Variants in DGKK observed in about 807,000 individuals in gnomAD.
The protein encoded by DGKK is 142 kDa diacylglycerol kinase.
In DGKK, 35 loss-of-function variants were observed where a neutral mutation model predicts 92.2. The ratio of observed to expected loss-of-function variants is 0.38; its 90% confidence interval spans 0.29 to 0.50. DGKK has a LOEUF of 0.50. DGKK is among the 20% of genes least tolerant of loss of function. The pLI is 0.92. For synonymous variants in DGKK, 368 were observed against 360.6 expected, an observed-to-expected ratio of 1.02 and a Z score of -0.23; for missense variants, 910 against 992.2, an observed-to-expected ratio of 0.92 and a Z score of 1.11.
chrX:50,369,432 C>CT (rs1288678634), intron 27 of DGKK, among the ~76,000 whole-genome samples: 8 of 109,978 alleles, frequency 7.3e-5, no homozygotes, highest in Admixed American at 4.8e-4. Context: ...TTCTTTTTTT[C>CT]TTTTTTTTCT....
chrX:50,455,931 C>A (rs1557232839), intron 1 of DGKK, among the ~76,000 whole-genome samples: 2 of 111,870 alleles, frequency 1.8e-5, no homozygotes, highest in Non-Finnish European at 3.8e-5. Context: ...TAACTGCCAT[C>A]TGCTAGAAAA....
intron 20 of DGKK, among the ~76,000 whole-genome samples, chrX:50,379,055 A>C (rs1602267987): frequency 8.9e-6 from 1 of 112,019 alleles, no homozygotes; most frequent in Non-Finnish European, 1.9e-5. Context: ...AGTGGCTCAC[A>C]CCTGTAATCC....
intron 1 of DGKK, among the ~76,000 whole-genome samples, chrX:50,425,367 T>A (rs1255789969): frequency 3.6e-5 from 4 of 110,399 alleles, no homozygotes; most frequent in Non-Finnish European, 7.6e-5. Context: ...TTAAAAAAAA[T>A]TAGAACATCT....
At chrX:50,419,777 T>G (rs1925526453) in intron 4 of DGKK, among the ~76,000 whole-genome samples, 1 of 112,115 alleles carries the variant, frequency 8.9e-6, no homozygotes, top group South Asian at 3.7e-4. Context: ...GAAGTTTGAT[T>G]GCACCAGTTA....
In DGKK at chrX:50,416,206, C is replaced by G. The variant is rs139039500; in HGVS notation, c.942+4197G>C. Reference sequence around the variant, plus strand: ...TGGACTCTACAGCCTCCAGAAGTGTCAGAAAAACATGTTTGTTGCTTAAGC... The same window carrying G: ...TGGACTCTACAGCCTCCAGAAGTGTGAGAAAAACATGTTTGTTGCTTAAGC... On this transcript the variant is annotated intron_variant, in intron 4 of 27. Coordinates refer to ENST00000611977, the MANE Select transcript of DGKK (RefSeq NM_001013742.4). 8.6e-3 allele frequency among the ~76,000 whole-genome samples: 965 copies of G among 111,937 alleles called. 7 individuals carry two copies. Among genetic ancestry groups the G allele is most frequent in the Middle Eastern group, 0.037 (8 of 215 alleles).
chrX:50,375,126 C>T, intron 24 of DGKK, 69 bp from the exon 25 acceptor site: 3 of 843,357 alleles, frequency 3.6e-6, no homozygotes, highest in Non-Finnish European at 5.2e-6. Flanking sequence ...AGTAAGCATG[C>T]AGCTGTCTTC....
intron 1 of DGKK, among the ~76,000 whole-genome samples, chrX:50,429,306 T>C (rs1156464650): frequency 8.9e-6 from 1 of 111,953 alleles, no homozygotes; most frequent in South Asian, 3.7e-4. Context: ...CCTGGTTTTT[T>C]AGTATGTACA....
chrX:50,401,126 C>T lies in DGKK; in HGVS notation c.1322G>A (p.Cys441Tyr). Residue 441 changes from cysteine to tyrosine, a missense_variant, in exon 8 of 28, where the codon TGT (cysteine) becomes TAT (tyrosine). Transcript: ENST00000611977. ...LWCNSTVHDD[C>Y]RRRFSKECCF... ...ACATTCCTTGGAAAACCGTCTCCTA[C>T]AGTCATCATGCACCTGAAACGACAA... is the stretch of plus-strand genomic sequence containing the variant. 1 of 1,197,519 alleles carries T rather than the reference C, an allele frequency of 8.4e-7. No individual in the cohort carries two copies. The highest frequency in any genetic ancestry group is 1.1e-6 in the Non-Finnish European group (1 of 887,736).
chrX:50,466,017 C>CTTTTTTTTTTTT (rs72090197), intron 1 of DGKK, among the ~76,000 whole-genome samples: 963 of 42,536 alleles, frequency 0.023, no homozygotes, highest in East Asian at 0.03. Context: ...TTTCTTTTTT[C>CTTTTTTTTTTTT]TTTTTTTTTT....
At chrX:50,380,157 A>G (rs1309050146) in intron 18 of DGKK, 80 bp from the exon 19 acceptor site, 1 of 834,309 alleles carries the variant, frequency 1.2e-6, no homozygotes, top group Non-Finnish European at 1.8e-6. Context: ...AAGGAAAACC[A>G]TCTTACTTCT....
chrX:50,467,903 A>G (rs1557234112), intron 1 of DGKK, among the ~76,000 whole-genome samples: 1 of 112,495 alleles, frequency 8.9e-6, no homozygotes, highest in Non-Finnish European at 1.9e-5. Context: ...AATTCTCCAG[A>G]GCCACTGATT....
At chrX:50,393,505 A>G (rs1310343250) in intron 8 of DGKK, among the ~76,000 whole-genome samples, 170 bp from the exon 9 acceptor site, 1 of 111,415 alleles carries the variant, frequency 9.0e-6, no homozygotes, top group Admixed American at 9.5e-5. Context: ...GCTTAAAAGT[A>G]TTTGTTGTAT....
At chrX:50,443,739 G>A (rs190343725) in intron 1 of DGKK, among the ~76,000 whole-genome samples, 3,155 of 83,227 alleles carry the variant, frequency 0.038, 52 homozygotes, top group Non-Finnish European at 0.056. Flanking sequence ...TGTGTGTGTA[G>A]CTCTATGCAA....
At chrX:50,408,566 G>A (rs1925225917) in intron 4 of DGKK, among the ~76,000 whole-genome samples, 2 of 108,929 alleles carry the variant, frequency 1.8e-5, no homozygotes, top group Non-Finnish European at 3.8e-5. Context: ...TGTATTTTTA[G>A]TAGAGACGGG....
At chrX:50,454,577 C>T (rs1186770171) in intron 1 of DGKK, among the ~76,000 whole-genome samples, 2 of 111,789 alleles carry the variant, frequency 1.8e-5, no homozygotes, top group Non-Finnish European at 3.8e-5. Context: ...GTCCAAATCC[C>T]TCTGCCTTTC....
chrX:50,375,459 CAGGCCTTGAGTTGT>C (rs1924246039), intron 24 of DGKK, among the ~76,000 whole-genome samples: 1 of 111,910 alleles, frequency 8.9e-6, no homozygotes, highest in Non-Finnish European at 1.9e-5. Flanking sequence ...CTTGCAACTC[CAGGCCTTGAGTTGT>C]AGGCCTCCTC....
At chrX:50,442,777 T>C (rs1254692886) in intron 1 of DGKK, among the ~76,000 whole-genome samples, 2 of 111,647 alleles carry the variant, frequency 1.8e-5, no homozygotes, top group African/African-American at 3.3e-5. Context: ...GACTGTGATC[T>C]AGTTATCTTC....
At position 50,375,446 on chromosome X, in the gene DGKK, C is replaced by T. The variant is rs1250934244; in HGVS notation, c.3415-389G>A. On this transcript the variant is annotated intron_variant, in intron 24 of 27. Coordinates refer to ENST00000611977, the MANE Select transcript of DGKK (RefSeq NM_001013742.4). ...GGTGAAATTAGGGCCTAACATCTCT[C>T]TTCTTGCAACTCCAGGCCTTGAGTT... Among the ~76,000 whole-genome samples, 3 of 111,916 alleles carry T rather than the reference C, an allele frequency of 2.7e-5. No homozygotes were observed. In the East Asian group the frequency reaches 8.5e-4, roughly 32 times the overall value.
At position 50,463,316 on chromosome X, in the gene DGKK, C is replaced by T. The variant is rs182843971; in HGVS notation, c.645+6718G>A. Among the ~76,000 whole-genome samples the T allele has an allele frequency of 4.0e-3, 372 of 93,644 alleles. 11 individuals are homozygous for T. The Admixed American group carries it at 0.04, about 10-fold the overall frequency. The allele number at this position is 93,644 out of a possible 115,157, so 81.3% of individuals were successfully genotyped here. On this transcript the variant is annotated intron_variant, in intron 1 of 27. Coordinates refer to ENST00000611977, the MANE Select transcript of DGKK (RefSeq NM_001013742.4). ...TCTCCCTCTCCTTTCCTCCGTCTCC[C>T]CTTTCTTTTTCCCTCTCCTCCCTTC...
Sources: allele counts gnomAD v4.1 joint callset (sites outside exome capture counted in the v4.1 genomes callset), GRCh38; gene constraint gnomAD v4.1.1; transcripts MANE v1.5; gene names NCBI Gene and HGNC (gene_info 2026-07-23, HGNC 2026-07-21).